Variants in PID1 observed in about 807,000 individuals in gnomAD.
The protein encoded by PID1 is phosphotyrosine interaction domain containing 1, also known as PTB-containing, cubilin and LRP1-interacting protein.
Under a neutral mutation model 19.1 loss-of-function variants are expected in PID1, and 10 were observed. The ratio of observed to expected loss-of-function variants is 0.52; its 90% CI spans 0.32 to 0.89. The LOEUF (loss-of-function observed/expected upper bound fraction) is 0.89, where lower values mean the gene tolerates loss of function less well. PID1 is among the 40% of genes least tolerant of loss of function. The pLI is 0.03. For synonymous variants in PID1, 130 were observed against 116.0 expected, an observed-to-expected ratio of 1.12 and a Z score of -0.78; for missense variants, 248 against 285.3, an observed-to-expected ratio of 0.87 and a Z score of 0.94.
At chr2:229,120,608 C>T (rs552186893) in intron 2 of PID1, among the ~76,000 whole-genome samples, 1 of 148,622 alleles carries the variant, frequency 6.7e-6, no homozygotes, top group South Asian at 2.1e-4. Flanking sequence ...TATATAATAT[C>T]TATATTATAT....
chr2:229,045,253 C>A (rs554472759), intron 2 of PID1, among the ~76,000 whole-genome samples: 1 of 152,298 alleles, frequency 6.6e-6, no homozygotes, highest in East Asian at 1.9e-4. Context: ...CTGTGCCCAG[C>A]GATTCAGGCT....
intron 1 of PID1, among the ~76,000 whole-genome samples, chr2:229,232,324 C>T (rs372305402): frequency 2.5e-4 from 35 of 138,824 alleles, no homozygotes; most frequent in Non-Finnish European, 4.4e-4. Context: ...CCCAGCTACT[C>T]GGGAGGTTGA....
At position 229,024,634 on chromosome 2, in the gene PID1, C is replaced by T. The variant is rs948219652; in HGVS notation, c.*998G>A. On this transcript the variant is annotated 3_prime_UTR_variant, in exon 3 of 3. Coordinates refer to ENST00000392055, the MANE Select transcript of PID1 (RefSeq NM_001100818.2). Reference sequence around the variant, plus strand: ...CTGAGTGATGGGGGCAAGGTTTCCTCGGTGATACCAAATCAGATTTGAAGC... The same window carrying T: ...CTGAGTGATGGGGGCAAGGTTTCCTTGGTGATACCAAATCAGATTTGAAGC... The T allele has an allele frequency of 1.3e-5, 2 of 152,596 alleles. No individual in the cohort carries two copies. The highest frequency in any genetic ancestry group is 2.1e-4 in the South Asian group (1 of 4,822). 9.5% of individuals were successfully genotyped at this position (152,596 alleles called of 1,614,324 possible).
At chr2:229,196,733 G>A (rs183598444) in intron 1 of PID1, among the ~76,000 whole-genome samples, 52 of 152,088 alleles carry the variant, frequency 3.4e-4, no homozygotes, top group African/African-American at 1.1e-3. Context: ...ACTTGATCCT[G>A]TGCACATCAT....
rs1406447056 is a variant in PID1, at chr2:229,271,156, G to C, written c.-113C>G. The C allele has an allele frequency of 2.4e-6, 3 of 1,242,448 alleles. No individual in the cohort carries two copies. The highest frequency in any genetic ancestry group is 3.3e-6 in the Non-Finnish European group (3 of 895,954). The allele number at this position is 1,242,448 out of a possible 1,614,324, so 77.0% of individuals were successfully genotyped here. A position where few individuals can be genotyped will look rare whatever the true frequency, so the allele number is the denominator to read the frequency against. On this transcript the variant is annotated 5_prime_UTR_variant, in exon 1 of 3. Transcript: ENST00000392055. ...TGGGGTCGGTGTCCGCGGGATGTGCGTCCTGGCGCTGGCCACCGCCGCCGG... is the reference window on the plus strand; with the variant it reads ...TGGGGTCGGTGTCCGCGGGATGTGCCTCCTGGCGCTGGCCACCGCCGCCGG...
chr2:229,163,680 T>TGTGTGTGTGTGCGCGCGC (rs1365270238), intron 1 of PID1, among the ~76,000 whole-genome samples: 2 of 103,810 alleles, frequency 1.9e-5, no homozygotes, highest in East Asian at 2.4e-4. Flanking sequence ...TGTGTGCGTG[T>TGTGTGTGTGTGCGCGCGC]GCGTGTGTGT....
intron 2 of PID1, among the ~76,000 whole-genome samples, chr2:229,068,042 T>A (rs192251546): frequency 6.6e-6 from 1 of 152,320 alleles, no homozygotes; most frequent in East Asian, 1.9e-4. Context: ...CTCAGTACAT[T>A]CTATGGACAG....
At chr2:229,062,608 C>G (rs1194879532) in intron 2 of PID1, among the ~76,000 whole-genome samples, 1 of 151,738 alleles carries the variant, frequency 6.6e-6, no homozygotes, top group Non-Finnish European at 1.5e-5. Context: ...CAAAATCACA[C>G]AAGGCCTACA....
intron 2 of PID1, among the ~76,000 whole-genome samples, chr2:229,124,560 T>C (rs1695584637): frequency 6.6e-6 from 1 of 152,160 alleles, no homozygotes; most frequent in South Asian, 2.1e-4. Flanking sequence ...AAAGTCTTTT[T>C]CTCACACTTC....
chr2:229,163,851 A>G (rs1690546383), intron 1 of PID1, among the ~76,000 whole-genome samples: 1 of 152,192 alleles, frequency 6.6e-6, no homozygotes, highest in Non-Finnish European at 1.5e-5. Context: ...CTAACTGTGA[A>G]CAGTTAAACA....
intron 1 of PID1, among the ~76,000 whole-genome samples, chr2:229,227,314 G>A (rs1484421862): frequency 2.6e-5 from 4 of 152,184 alleles, no homozygotes; most frequent in Admixed American, 2.6e-4. Context: ...GTGCTCATTA[G>A]TCACCTATGG....
At chr2:229,045,677 G>T (rs745439908) in intron 2 of PID1, among the ~76,000 whole-genome samples, 2 of 152,242 alleles carry the variant, frequency 1.3e-5, no homozygotes, top group Admixed American at 6.5e-5. Flanking sequence ...AGTTTGGGGT[G>T]GGAGTGAATT....
chr2:229,265,152 T>TA (rs1207000985), intron 1 of PID1, among the ~76,000 whole-genome samples: 1 of 152,218 alleles, frequency 6.6e-6, no homozygotes, highest in Non-Finnish European at 1.5e-5. Flanking sequence ...ATTTTTTTTT[T>TA]ACCCAAATGA....
At chr2:229,073,014 A>G (rs114009060) in intron 2 of PID1, among the ~76,000 whole-genome samples, 24 of 152,278 alleles carry the variant, frequency 1.6e-4, no homozygotes, top group African/African-American at 5.8e-4. Context: ...CAAACTGGGT[A>G]ATTGCTGCCA....
At chr2:229,120,373 A>T (rs1055773724) in intron 2 of PID1, among the ~76,000 whole-genome samples, 1 of 152,110 alleles carries the variant, frequency 6.6e-6, no homozygotes. Context: ...AAATGCTATT[A>T]AAAAATCATA....
Position 229,043,495 on chromosome 2 carries a change from A to C in PID1, c.178-17387T>G, listed in dbSNP as rs536337859. The stretch of plus-strand genomic sequence containing the variant: ...CTTCTTTAATGTTTGGAAAACAAGA[A>C]TAAAGAGCGAAGCGGACTCAGGATA... On this transcript the variant is annotated intron_variant, in intron 2 of 2. Transcript: ENST00000392055. Among the ~76,000 whole-genome samples the C allele has an allele frequency of 2.6e-5, 4 of 152,370 alleles. No homozygotes were observed. In the East Asian group the frequency reaches 7.7e-4, roughly 29 times the overall value.
intron 1 of PID1, among the ~76,000 whole-genome samples, chr2:229,187,279 C>A (rs927946849): frequency 1.3e-5 from 2 of 152,142 alleles, no homozygotes; most frequent in African/African-American, 4.8e-5. Flanking sequence ...ATCTTTTCAG[C>A]AGCACCCCAC....
At chr2:229,077,609 C>T (rs1257716785) in intron 2 of PID1, among the ~76,000 whole-genome samples, 2 of 152,174 alleles carry the variant, frequency 1.3e-5, no homozygotes, top group African/African-American at 4.8e-5. Context: ...ATATGGCTAG[C>T]CAGTTTCCCC....
chr2:229,139,167 G>GAGCGAGCA lies in PID1; in HGVS notation c.177+16650_177+16651insTGCTCGCT, dbSNP rs112839456. Among the ~76,000 whole-genome samples the GAGCGAGCA allele has an allele frequency of 8.8e-3, 626 of 71,406 alleles. 53 individuals are homozygous for GAGCGAGCA. The highest frequency in any genetic ancestry group is 0.031 in the South Asian group (50 of 1,592). 46.8% of individuals were successfully genotyped at this position (71,406 alleles called of 152,430 possible). On this transcript the variant is annotated intron_variant, in intron 2 of 2. Transcript: ENST00000392055. The stretch of plus-strand genomic sequence containing the variant: ...AAAGAAAGCAAGCGAGCGAGCAAGC[G>GAGCGAGCA]AGCTTCCCTTGACCAAACACTCCCT...
Sources: allele counts gnomAD v4.1 joint callset (sites outside exome capture counted in the v4.1 genomes callset), GRCh38; gene constraint gnomAD v4.1.1; transcripts MANE v1.5; gene names NCBI Gene and HGNC (gene_info 2026-07-23, HGNC 2026-07-21).